NLRP12: variants seen among roughly 807,000 people sequenced by gnomAD.
NLRP12 encodes the protein NACHT, LRR and PYD domains-containing protein 12.
A neutral mutation model predicts 91.2 loss-of-function variants in NLRP12; 108 were observed. The ratio of observed to expected loss-of-function variants is 1.18; its 90% CI spans 1.01 to 1.39. NLRP12 has a LOEUF of 1.39. NLRP12 is among the 40% of genes most tolerant of loss of function. The pLI is 0.00. For synonymous variants in NLRP12, 613 were observed against 566.7 expected, an observed-to-expected ratio of 1.08 and a Z score of -1.16; for missense variants, 1,530 against 1,352.7, an observed-to-expected ratio of 1.13 and a Z score of -2.06.
rs1212737270 is a variant in NLRP12 at position 53,824,063 on chromosome 19, G to C, written c.112C>G (p.Leu38Val). 6.2e-7 allele frequency: 1 copy of C among 1,614,132 alleles called. No homozygotes were observed. The highest frequency in any genetic ancestry group is 1.1e-5 in the South Asian group (1 of 91,080). The change falls in exon 1 of 10, where the codon CTG becomes GTG. Residue 38 changes from leucine (L) to valine (V), a missense_variant. Leu to Val is a conservative substitution (Grantham distance 32). Coordinates refer to ENST00000324134, the MANE Select transcript of NLRP12 (RefSeq NM_144687.4). ...CCCCAGGGGATCTTGCCTTCTCCCA[G>C]CTCTGTCGCGGTCCCCAGGTATAAC... ...FKLYLGTATE[L>V]GEGKIPWGSM...
At chr19:53,822,270 G>A (rs903884394) in intron 1 of NLRP12, among the ~76,000 whole-genome samples, 1 of 152,118 alleles carries the variant, frequency 6.6e-6, no homozygotes, top group Non-Finnish European at 1.5e-5. Flanking sequence ...AGATGTGTGT[G>A]TACGTAAATT....
intron 2 of NLRP12, among the ~76,000 whole-genome samples, chr19:53,813,691 C>A (rs1362807819): frequency 1.3e-5 from 2 of 151,512 alleles, no homozygotes; most frequent in African/African-American, 4.8e-5. Context: ...TACCCCTCTC[C>A]CGCCTTTTTT....
intron 7 of NLRP12, among the ~76,000 whole-genome samples, chr19:53,800,011 TAA>T (rs1030062415): frequency 1.4e-4 from 21 of 151,572 alleles, no homozygotes; most frequent in African/African-American, 5.1e-4. Flanking sequence ...AAAAAATAAA[TAA>T]AAATTGGCCA....
chr19:53,812,831 G>C (rs571694065), intron 2 of NLRP12, among the ~76,000 whole-genome samples: 1 of 151,086 alleles, frequency 6.6e-6, no homozygotes, highest in Non-Finnish European at 1.5e-5. Context: ...ACTTTAAAGC[G>C]TACAACTCTG....
At chr19:53,804,653 C>T (rs548642615) in intron 5 of NLRP12, among the ~76,000 whole-genome samples, 6 of 150,386 alleles carry the variant, frequency 4.0e-5, no homozygotes, top group East Asian at 2.0e-4. Context: ...TCAGGTGATC[C>T]GCCTGCCTTG....
chr19:53,801,966 G>A (rs541893617), intron 6 of NLRP12, among the ~76,000 whole-genome samples: 3 of 152,110 alleles, frequency 2.0e-5, no homozygotes, highest in African/African-American at 7.2e-5. Context: ...AGTGGCTCAT[G>A]CCTGTAATCT....
In NLRP12 at chr19:53,804,156, T is replaced by C. The variant is rs1291340560; in HGVS notation, c.2415-34A>G. 3.7e-6 allele frequency: 6 copies of C among 1,610,826 alleles called. No individual in the cohort carries two copies. The East Asian group carries it at 1.1e-4, about 30-fold the overall frequency. ...GAAGGAGAGGTTGAAGGGGACGCCA[T>C]CTTGCTTTTCTATGTCGTGATCACT... On this transcript the variant is annotated intron_variant, in intron 5 of 9. Transcript: ENST00000324134.
At chr19:53,807,130 C>G (rs937355403) in intron 4 of NLRP12, among the ~76,000 whole-genome samples, 9 of 152,060 alleles carry the variant, frequency 5.9e-5, no homozygotes, top group Admixed American at 6.6e-5. Flanking sequence ...TGCAGTGGCA[C>G]AATCCCGGCT....
chr19:53,804,400 TG>T (rs57810164), intron 5 of NLRP12, among the ~76,000 whole-genome samples: 57,898 of 121,304 alleles, frequency 0.48, 14,655 homozygotes, highest in Non-Finnish European at 0.61. Flanking sequence ...TGGGTTTTTT[TG>T]TTTTTTTTTT....
intron 6 of NLRP12, chr19:53,803,694 C>G: frequency 2.2e-6 from 1 of 446,340 alleles, no homozygotes; most frequent in South Asian, 1.9e-5. Flanking sequence ...CTGCCTCAGC[C>G]CCCTGAGTAG....
intron 9 of NLRP12, among the ~76,000 whole-genome samples, chr19:53,794,363 A>C (rs1306112383): frequency 6.6e-6 from 1 of 151,352 alleles, no homozygotes; most frequent in Non-Finnish European, 1.5e-5. Context: ...TCTGTCACCC[A>C]GGCTGGAGTG....
chr19:53,806,508 C>T (rs1447730901), intron 4 of NLRP12, among the ~76,000 whole-genome samples: 3 of 151,306 alleles, frequency 2.0e-5, no homozygotes, highest in African/African-American at 4.9e-5. Flanking sequence ...GGTGAAACCC[C>T]GTCTCTACTA....
Position 53,795,910 on chromosome 19 carries a change from C to A in NLRP12, c.3047G>T (p.Arg1016Leu). 3 of 1,614,118 alleles carry A rather than the reference C, an allele frequency of 1.9e-6. No individual in the cohort carries two copies. The highest frequency in any genetic ancestry group is 2.2e-5 in the East Asian group (1 of 44,872). The part of the protein sequence containing the change: ...TNNALGDTGV[R>L]LLCKRLSHPG... ...ATGGCTCAGCCGCTTGCAAAGCAGTCGGACACCTGTGTCCCCTAGGGCGTT... is the reference window on the plus strand; with the variant it reads ...ATGGCTCAGCCGCTTGCAAAGCAGTAGGACACCTGTGTCCCCTAGGGCGTT... The change falls in exon 9 of 10, where the codon CGA becomes CTA. Residue 1016 changes from arginine to leucine, a missense_variant. Transcript: ENST00000324134.
rs1555793622 is a variant in NLRP12, at chr19:53,801,375, C to CAGT, written c.2605_2607dup (p.Thr869dup). 3.7e-6 allele frequency: 6 copies of CAGT among 1,613,520 alleles called. No individual in the cohort carries two copies. The African/African-American group carries it at 5.4e-5, about 14-fold the overall frequency. On this transcript the variant is annotated inframe_insertion, in exon 7 of 10. Coordinates refer to ENST00000324134, the MANE Select transcript of NLRP12 (RefSeq NM_144687.4). ...GAGGCCAGCTCGTCACAGGCAGCAGCAGTGAGGCGGCAGATCTTCAGCCTG... is the reference window on the plus strand; with the variant it reads ...GAGGCCAGCTCGTCACAGGCAGCAGCAGTAGTGAGGCGGCAGATCTTCAGCCTG...
At chr19:53,800,587 CTT>C (rs11290529) in intron 7 of NLRP12, among the ~76,000 whole-genome samples, 17,423 of 149,216 alleles carry the variant, frequency 0.12, 1,033 homozygotes, top group Middle Eastern at 0.2. Context: ...AAACCCCCCC[CTT>C]TTTTTTTTTT....
At chr19:53,819,551 G>A (rs1188981275) in intron 1 of NLRP12, among the ~76,000 whole-genome samples, 12 of 81,870 alleles carry the variant, frequency 1.5e-4, no homozygotes, top group Admixed American at 1.0e-3. Context: ...GTATATATAT[G>A]TATGTATACG....
rs757517539 is a variant in NLRP12, at chr19:53,811,217, C to G, written c.442G>C (p.Gly148Arg). The G allele has an allele frequency of 6.2e-7, 1 of 1,614,156 alleles. No homozygotes were observed. Among genetic ancestry groups the G allele is most frequent in the Admixed American group, 1.7e-5 (1 of 60,014 alleles). ...CGGTGGCTGAGGTTGACACATTCCC[C>G]TAGGCGCGCATTGCGGTCTTCCATG... ...RLMEDRNARL[G>R]ECVNLSHRYT... Residue 148 changes from glycine to arginine, a missense_variant, in exon 3 of 10, where the codon GGG (glycine) becomes CGG (arginine). Coordinates refer to ENST00000324134, the MANE Select transcript of NLRP12 (RefSeq NM_144687.4).
At chr19:53,805,616 G>A in intron 4 of NLRP12, 166 bp from the exon 5 acceptor site, 1 of 700,286 alleles carries the variant, frequency 1.4e-6, no homozygotes. Flanking sequence ...CTCCTGGGTT[G>A]AAGCAATCCT....
At chr19:53,803,201 G>C (rs2091902415) in intron 6 of NLRP12, among the ~76,000 whole-genome samples, 1 of 149,042 alleles carries the variant, frequency 6.7e-6, no homozygotes, top group African/African-American at 2.5e-5. Context: ...TTTTTTTTGA[G>C]ACGGAGTTTC....
Sources: gnomAD v4.1 joint callset for allele counts (sites outside exome capture counted in the v4.1 genomes callset) on GRCh38, gnomAD v4.1.1 for gene constraint, MANE v1.5 for transcripts, NCBI Gene and HGNC (gene_info 2026-07-23, HGNC 2026-07-21) for gene names.